MSX1: variants seen among roughly 807,000 people sequenced by gnomAD.
MSX1 encodes the protein msh homeobox 1.
Under a neutral mutation model 17.0 loss-of-function variants are expected in MSX1, and 11 were observed. The observed-to-expected ratio is 0.65, with a 90% CI of 0.41 to 1.07. MSX1 has a LOEUF of 1.07. Among genes scored for constraint, MSX1 ranks in the 50% least tolerant of loss-of-function variants. The pLI is 0.00. For synonymous variants in MSX1, 253 were observed against 211.8 expected (o/e 1.19, Z -1.69); for missense variants, 477 against 440.1 (o/e 1.08, Z -0.75).
chr4:4,861,405 G>A (rs182123104), intron 1 of MSX1, among the ~76,000 whole-genome samples: 1 of 152,388 alleles, frequency 6.6e-6, no homozygotes, highest in Non-Finnish European at 1.5e-5. Flanking sequence ...AAGAAGCGGG[G>A]TGTTAACACG....
rs1042484 is a variant in MSX1, at chr4:4,862,654, A to G, written c.470-47A>G. 352,644 of 1,597,544 alleles carry G rather than the reference A, an allele frequency of 0.22. 40,406 individuals are homozygous for G. The highest frequency in any genetic ancestry group is 0.24 in the Middle Eastern group (1,465 of 6,048). On this transcript the variant is annotated intron_variant, in intron 1 of 1. Transcript: ENST00000382723. Reference sequence around the variant, plus strand: ...CTACTTCTTGGGCTGATCATGCTCCAATGCTTCTCTCTTAACCCCTTGCTT... The same window carrying G: ...CTACTTCTTGGGCTGATCATGCTCCGATGCTTCTCTCTTAACCCCTTGCTT...
rs569734431 is a variant in MSX1 at position 4,862,749 on chromosome 4, G to C, written c.518G>C (p.Arg173Pro). 1.2e-6 allele frequency: 2 copies of C among 1,613,390 alleles called. No homozygotes were observed. Among genetic ancestry groups the C allele is most frequent in the Non-Finnish European group, 1.7e-6 (2 of 1,180,022 alleles). ...ACTLRKHKTN[R>P]KPRTPFTTAQ... is the part of the protein sequence containing the mutation. ...ACCCTCCGCAAACACAAGACGAACC[G>C]TAAGCCGCGGACGCCCTTCACCACC... Residue 173 changes from arginine (R) to proline (P), a missense_variant, in exon 2 of 2, where the codon CGT becomes CCT. Around this residue, in one of 3 missense-constraint regions of MSX1, gnomAD observed 355 missense variants for 306.1 expected, o/e 1.16. Coordinates refer to ENST00000382723, the MANE Select transcript of MSX1 (RefSeq NM_002448.3).
intron 1 of MSX1, chr4:4,862,454 G>T: frequency 1.5e-6 from 1 of 688,142 alleles, no homozygotes; most frequent in Non-Finnish European, 2.7e-6. Context: ...AGCCTTCAAC[G>T]TGGGTATTTT....
rs189267182 is a variant in MSX1 at position 4,862,655 on chromosome 4, A to G, written c.470-46A>G. On this transcript the variant is annotated intron_variant, in intron 1 of 1. Transcript: ENST00000382723. The stretch of plus-strand genomic sequence containing the variant: ...TACTTCTTGGGCTGATCATGCTCCA[A>G]TGCTTCTCTCTTAACCCCTTGCTTT... 6.2e-4 allele frequency: 996 copies of G among 1,599,310 alleles called. 7 individuals carry two copies. The Middle Eastern group carries it at 0.013, about 21-fold the overall frequency.
chr4:4,859,765 C>A lies in MSX1; in HGVS notation c.-135C>A. On this transcript the variant is annotated 5_prime_UTR_variant, in exon 1 of 2. Transcript: ENST00000382723. ...CCGGAGCTGGCCTGCTGGGGAGGGG[C>A]GGGAGGCGCGCGCGGGAGGGTCCGC... 5.3e-6 allele frequency: 3 copies of A among 564,086 alleles called. No individual in the cohort carries two copies. Among genetic ancestry groups the A allele is most frequent in the Non-Finnish European group, 7.3e-6 (3 of 411,162 alleles). 34.9% of individuals were successfully genotyped at this position (564,086 alleles called of 1,614,324 possible).
In MSX1 at chr4:4,860,318, C is replaced by G; in HGVS notation, c.419C>G (p.Pro140Arg). ...GTCAAAGCCGAGAGCCCCGAGAAGC[C>G]CGAGAGGACCCCGTGGATGCAGAGC... ...ALVKAESPEK[P>R]ERTPWMQSPR... Residue 140 changes from proline (P) to arginine (R), a missense_variant, in exon 1 of 2, where the codon CCC becomes CGC. Transcript: ENST00000382723. 1 of 1,604,094 alleles carries G rather than the reference C, an allele frequency of 6.2e-7. No homozygotes were observed. Among genetic ancestry groups the G allele is most frequent in the Non-Finnish European group, 8.5e-7 (1 of 1,179,672 alleles).
rs1443292384 is a variant in MSX1 at position 4,862,488 on chromosome 4, A to G, written c.470-213A>G. ...TTTCTCCTGGAATCTTAGTTTCTTCATTTGCAAAAAGTAGACAGGAACTTC... is the reference window on the plus strand; with the variant it reads ...TTTCTCCTGGAATCTTAGTTTCTTCGTTTGCAAAAAGTAGACAGGAACTTC... On this transcript the variant is annotated intron_variant, in intron 1 of 1. Transcript: ENST00000382723. 13 of 720,834 alleles carry G rather than the reference A, an allele frequency of 1.8e-5. No individual in the cohort carries two copies. In the South Asian group the frequency reaches 1.9e-4, roughly 11 times the overall value. 44.7% of individuals were successfully genotyped at this position (720,834 alleles called of 1,614,324 possible). A position where few individuals can be genotyped will look rare whatever the true frequency, so the allele number is the denominator to read the frequency against.
chr4:4,863,409 G>A lies in MSX1; in HGVS notation c.*266G>A. Reference sequence around the variant, plus strand: ...GAAACTGAGGGCAGAGAGGTTAACAGATTTATCTAAGGTCCCCAGCAGAAT... The same window carrying A: ...GAAACTGAGGGCAGAGAGGTTAACAAATTTATCTAAGGTCCCCAGCAGAAT... On this transcript the variant is annotated 3_prime_UTR_variant, in exon 2 of 2. Transcript: ENST00000382723. 2.0e-6 allele frequency: 1 copy of A among 498,974 alleles called. No individual in the cohort carries two copies. The highest frequency in any genetic ancestry group is 2.4e-5 in the South Asian group (1 of 41,024). The allele number at this position is 498,974 out of a possible 1,614,324, so 30.9% of individuals were successfully genotyped here.
chr4:4,862,971 C>T lies in MSX1; in HGVS notation c.740C>T (p.Pro247Leu). Residue 247 changes from proline (P) to leucine (L), a missense_variant, in exon 2 of 2, where the codon CCA (proline) becomes CTA (leucine). Transcript: ENST00000382723. ...AAGATGGCCGCCAAGCCCATGCTGC[C>T]ACCGGCTGCCTTCGGCCTCTCCTTC... is the stretch of plus-strand genomic sequence containing the variant. Reference protein sequence around the residue: ...KLKMAAKPMLPPAAFGLSFPL... With the variant: ...KLKMAAKPMLLPAAFGLSFPL... The T allele has an allele frequency of 6.2e-7, 1 of 1,613,140 alleles. No homozygotes were observed. Among genetic ancestry groups the T allele is most frequent in the Non-Finnish European group, 8.5e-7 (1 of 1,179,984 alleles).
rs564977112 is a variant in MSX1 at position 4,860,371 on chromosome 4, G to A, written c.469+3G>A. 3.8e-6 allele frequency: 6 copies of A among 1,598,784 alleles called. No individual in the cohort carries two copies. In the East Asian group the frequency reaches 1.1e-4, roughly 30 times the overall value. On this transcript the variant is annotated splice_donor_region_variant and intron_variant, in intron 1 of 1. Transcript: ENST00000382723. ...CCGCTTCTCCCCGCCGCCGGCCAGT[G>A]AGTAGCCAGAACCCAGGCGCAGAGG...
At chr4:4,862,424 G>A in intron 1 of MSX1, 2 of 651,574 alleles carry the variant, frequency 3.1e-6, no homozygotes, top group Non-Finnish European at 5.6e-6. Context: ...CAGCTGTTTA[G>A]GCCTAAGATG....
At position 4,860,201 on chromosome 4, in the gene MSX1, G is replaced by C. The variant is rs933932046; in HGVS notation, c.302G>C (p.Gly101Ala). ...GCGCAGCCACTGGGCGTCCCGCCGG[G>C]GTCGCTGGGAGCCCCGGACGCGCCC... ...GSAQPLGVPP[G>A]SLGAPDAPSS... The change falls in exon 1 of 2, where the codon GGG becomes GCG. Residue 101 changes from glycine (G) to alanine (A), a missense_variant. Physicochemically the swap from Gly to Ala is moderately conservative, Grantham distance 60. This residue lies in a region of MSX1 where 355 missense variants were observed against 306.1 expected (regional missense o/e 1.16). Transcript: ENST00000382723. The C allele has an allele frequency of 2.6e-5, 40 of 1,530,240 alleles. No individual in the cohort carries two copies. Among genetic ancestry groups the C allele is most frequent in the Non-Finnish European group, 3.3e-5 (38 of 1,145,710 alleles). The allele number at this position is 1,530,240 out of a possible 1,614,324, so 94.8% of individuals were successfully genotyped here.
chr4:4,862,339 A>G, intron 1 of MSX1: 1 of 436,482 alleles, frequency 2.3e-6, no homozygotes. Flanking sequence ...TTTCCTCTGG[A>G]TGGCCCTGGG....
rs1321961788 is a variant in MSX1 at position 4,859,789 on chromosome 4, G to C, written c.-111G>C. 29 of 932,202 alleles carry C rather than the reference G, an allele frequency of 3.1e-5. No homozygotes were observed. The highest frequency in any genetic ancestry group is 3.7e-5 in the Non-Finnish European group (27 of 727,182). 57.7% of individuals were successfully genotyped at this position (932,202 alleles called of 1,614,324 possible). A position where few individuals can be genotyped will look rare whatever the true frequency, so the allele number is the denominator to read the frequency against. ...GCGGGAGGCGCGCGCGGGAGGGTCC[G>C]CCCGGCCAGGGCCCCGGGCGCTCGC... On this transcript the variant is annotated 5_prime_UTR_variant, in exon 1 of 2. Coordinates refer to ENST00000382723, the MANE Select transcript of MSX1 (RefSeq NM_002448.3).
Position 4,863,002 on chromosome 4 carries a change from C to G in MSX1, c.771C>G (p.Leu257=). The G allele has an allele frequency of 6.2e-7, 1 of 1,612,376 alleles. No individual in the cohort carries two copies. The highest frequency in any genetic ancestry group is 1.1e-5 in the South Asian group (1 of 91,060). The stretch of plus-strand genomic sequence containing the variant: ...CTGCCTTCGGCCTCTCCTTCCCTCT[C>G]GGCGGCCCCGCAGCTGTAGCGGCCG... ...PPAAFGLSFP[L]GGPAAVAAAA... is the part of the protein sequence containing the mutation. The change falls in exon 2 of 2, where the codon CTC becomes CTG. Residue 257 remains leucine, a synonymous_variant. Transcript: ENST00000382723.
chr4:4,863,293 C>A lies in MSX1; in HGVS notation c.*150C>A. ...CACCTCTTTGCTCCCTGAGTTCACT[C>A]TCCGAAGTCTGATCCCTGCCAAAAA... On this transcript the variant is annotated 3_prime_UTR_variant, in exon 2 of 2. Transcript: ENST00000382723. The A allele has an allele frequency of 3.6e-6, 3 of 833,086 alleles. No individual in the cohort carries two copies. Among genetic ancestry groups the A allele is most frequent in the Non-Finnish European group, 5.7e-6 (3 of 530,390 alleles). 51.6% of individuals were successfully genotyped at this position (833,086 alleles called of 1,614,324 possible).
At chr4:4,862,426 C>A (rs893765037) in intron 1 of MSX1, 4 of 655,252 alleles carry the variant, frequency 6.1e-6, no homozygotes, top group Admixed American at 4.2e-5. Context: ...GCTGTTTAGG[C>A]CTAAGATGTG....
At chr4:4,862,549 A>T in intron 1 of MSX1, 152 bp from the exon 2 acceptor site, 1 of 931,902 alleles carries the variant, frequency 1.1e-6, no homozygotes, top group Non-Finnish European at 1.7e-6. Flanking sequence ...TGGAGAAAAT[A>T]TATTTCAAGT....
rs1023877631 is a variant in MSX1 at position 4,863,208 on chromosome 4, G to A, written c.*65G>A. Reference sequence around the variant, plus strand: ...CCAGCCCTGGTGCTGTACCCCCGACGTGCTCCCCTGCTCGGCACCGCCAGC... The same window carrying A: ...CCAGCCCTGGTGCTGTACCCCCGACATGCTCCCCTGCTCGGCACCGCCAGC... On this transcript the variant is annotated 3_prime_UTR_variant, in exon 2 of 2. Coordinates refer to ENST00000382723, the MANE Select transcript of MSX1 (RefSeq NM_002448.3). The A allele has an allele frequency of 1.9e-5, 28 of 1,500,746 alleles. No homozygotes were observed. The African/African-American group carries it at 2.1e-4, about 11-fold the overall frequency. 93.0% of individuals were successfully genotyped at this position (1,500,746 alleles called of 1,614,324 possible). A position where few individuals can be genotyped will look rare whatever the true frequency, so the allele number is the denominator to read the frequency against.
Sources: allele counts gnomAD v4.1 joint callset (sites outside exome capture counted in the v4.1 genomes callset), GRCh38; gene constraint gnomAD v4.1.1; regional missense constraint gnomAD v4.1.1; transcripts MANE v1.5; gene names NCBI Gene and HGNC (gene_info 2026-07-23, HGNC 2026-07-21).